Variants in NEGR1 observed in about 807,000 individuals in gnomAD.
NEGR1 encodes the protein neuronal growth regulator 1, also known as IgLON family member 4.
In NEGR1, 10 loss-of-function variants were observed where a neutral mutation model predicts 40.9. The observed-to-expected ratio is 0.24, with a 90% CI of 0.15 to 0.42. The LOEUF (loss-of-function observed/expected upper bound fraction) is 0.42. Ranked by LOEUF, NEGR1 falls within the 10% of genes least tolerant of loss-of-function variation. NEGR1 has a pLI of 1.00. For synonymous variants in NEGR1, 185 were observed against 166.8 expected, an observed-to-expected ratio of 1.11 and a Z score of -0.84; for missense variants, 352 against 438.9, an observed-to-expected ratio of 0.80 and a Z score of 1.77.
rs193219652 is a variant in NEGR1 at position 71,778,925 on chromosome 1, T to G, written c.410-2628A>C. Among the ~76,000 whole-genome samples the G allele has an allele frequency of 1.3e-4, 20 of 152,310 alleles. 1 individual carries two copies. In the East Asian group the frequency reaches 3.9e-3, roughly 29 times the overall value. The stretch of plus-strand genomic sequence containing the variant: ...ACAATTAAGTCCCTTAGAAATAAAC[T>G]TAGATTTGACATTTACCTATAGGAG... On this transcript the variant is annotated intron_variant, in intron 2 of 6. Coordinates refer to ENST00000357731, the MANE Select transcript of NEGR1 (RefSeq NM_173808.3).
chr1:71,926,220 C>T (rs903137954), intron 2 of NEGR1, among the ~76,000 whole-genome samples: 1 of 151,950 alleles, frequency 6.6e-6, no homozygotes, highest in Admixed American at 6.6e-5. Context: ...TGTGTGTTAT[C>T]AAAAACAGAA....
intron 6 of NEGR1, among the ~76,000 whole-genome samples, chr1:71,577,523 T>A (rs987073221): frequency 2.0e-5 from 3 of 152,192 alleles, no homozygotes; most frequent in African/African-American, 4.8e-5. Context: ...TTACAATCAA[T>A]ACACATAGTA....
intron 3 of NEGR1, among the ~76,000 whole-genome samples, chr1:71,700,126 T>C (rs1182126778): frequency 6.6e-6 from 1 of 152,006 alleles, no homozygotes; most frequent in Non-Finnish European, 1.5e-5. Flanking sequence ...TAGCCAATGA[T>C]TGATCATGTC....
At chr1:71,745,011 T>G (rs1655338726) in intron 3 of NEGR1, among the ~76,000 whole-genome samples, 2 of 152,172 alleles carry the variant, frequency 1.3e-5, no homozygotes, top group Admixed American at 1.3e-4. Context: ...GAACTTTCTG[T>G]TTTTTCCATT....
intron 1 of NEGR1, among the ~76,000 whole-genome samples, chr1:72,160,635 T>C (rs1282359657): frequency 6.6e-6 from 1 of 152,168 alleles, no homozygotes; most frequent in Non-Finnish European, 1.5e-5. Flanking sequence ...TCTATCATGA[T>C]TCTCGCTCCT....
chr1:71,624,179 T>C (rs1339127213), intron 4 of NEGR1, among the ~76,000 whole-genome samples: 1 of 151,974 alleles, frequency 6.6e-6, no homozygotes, highest in Non-Finnish European at 1.5e-5. Flanking sequence ...TTCATCAATG[T>C]CATTGAGAAA....
At position 71,662,960 on chromosome 1, in the gene NEGR1, T is replaced by C. The variant is rs146689125; in HGVS notation, c.667+35048A>G. 3.2e-4 allele frequency among the ~76,000 whole-genome samples: 48 copies of C among 151,872 alleles called. 1 individual carries two copies. In the East Asian group the frequency reaches 8.1e-3, roughly 26 times the overall value. ...CCAGTTTTGTTTTTTAGTGTTTTTT[T>C]TTTCTTTCTTTTTTGAGACGGGGTC... On this transcript the variant is annotated intron_variant, in intron 4 of 6. Coordinates refer to ENST00000357731, the MANE Select transcript of NEGR1 (RefSeq NM_173808.3).
chr1:72,049,778 T>C (rs1301854245), intron 1 of NEGR1, among the ~76,000 whole-genome samples: 1 of 151,626 alleles, frequency 6.6e-6, no homozygotes, highest in Admixed American at 6.6e-5. Context: ...TTTGGCATAC[T>C]GTAGGGCATT....
At chr1:71,876,498 C>T (rs1222588132) in intron 2 of NEGR1, among the ~76,000 whole-genome samples, 2 of 149,416 alleles carry the variant, frequency 1.3e-5, no homozygotes, top group Non-Finnish European at 1.5e-5. Context: ...AGAGTGAGAC[C>T]CTGTCTGAAA....
intron 2 of NEGR1, among the ~76,000 whole-genome samples, chr1:71,832,466 A>C (rs1658875367): frequency 6.6e-6 from 1 of 152,050 alleles, no homozygotes; most frequent in African/African-American, 2.4e-5. Context: ...GTCAAACCAA[A>C]TTAAAGGCCC....
At chr1:71,911,642 G>C (rs2101873622) in intron 2 of NEGR1, among the ~76,000 whole-genome samples, 1 of 152,268 alleles carries the variant, frequency 6.6e-6, no homozygotes, top group South Asian at 2.1e-4. Context: ...TGAGTAGTTA[G>C]CAGCAAAGCT....
chr1:72,139,531 A>C (rs1237599204), intron 1 of NEGR1, among the ~76,000 whole-genome samples: 2 of 152,098 alleles, frequency 1.3e-5, no homozygotes, highest in Non-Finnish European at 2.9e-5. Context: ...AAATTTAACA[A>C]GTTTGATGAA....
chr1:71,857,457 C>CAAAAAAAAAAAA (rs34177437), intron 2 of NEGR1, among the ~76,000 whole-genome samples: 9 of 77,614 alleles, frequency 1.2e-4, no homozygotes, highest in African/African-American at 3.8e-4. Flanking sequence ...ACAAAAAATA[C>CAAAAAAAAAAAA]AAAAAAAAAA....
chr1:71,461,779 T>C (rs2101344366), intron 6 of NEGR1: 1 of 152,310 alleles, frequency 6.6e-6, no homozygotes, highest in East Asian at 1.9e-4. Context: ...TATAAATGAA[T>C]GGAGAGAGCT....
At chr1:72,215,752 C>G (rs1225595142) in intron 1 of NEGR1, among the ~76,000 whole-genome samples, 1 of 152,032 alleles carries the variant, frequency 6.6e-6, no homozygotes, top group Non-Finnish European at 1.5e-5. Flanking sequence ...CACTTTTACA[C>G]TCTTGGTGGG....
At chr1:71,790,167 T>C (rs371090673) in intron 2 of NEGR1, among the ~76,000 whole-genome samples, 9 of 152,214 alleles carry the variant, frequency 5.9e-5, no homozygotes, top group African/African-American at 2.2e-4. Flanking sequence ...AGCAATAAAA[T>C]AGAGTTGTGT....
At chr1:71,639,663 C>T (rs1651282295) in intron 4 of NEGR1, among the ~76,000 whole-genome samples, 1 of 152,002 alleles carries the variant, frequency 6.6e-6, no homozygotes, top group Non-Finnish European at 1.5e-5. Context: ...TTAGAGTCAC[C>T]AGCCATTACT....
chr1:71,998,779 TG>T (rs1180872187), intron 1 of NEGR1, among the ~76,000 whole-genome samples: 1 of 151,286 alleles, frequency 6.6e-6, no homozygotes, highest in Admixed American at 6.6e-5. Context: ...AACTATATAT[TG>T]GATGTATTAT....
intron 1 of NEGR1, among the ~76,000 whole-genome samples, chr1:72,249,093 G>A (rs993590114): frequency 6.6e-6 from 1 of 152,116 alleles, no homozygotes; most frequent in African/African-American, 2.4e-5. Flanking sequence ...TTGAACCATT[G>A]GGAGGTAATT....
Sources: gnomAD v4.1 joint callset for allele counts (sites outside exome capture counted in the v4.1 genomes callset) on GRCh38, gnomAD v4.1.1 for gene constraint, MANE v1.5 for transcripts, NCBI Gene and HGNC (gene_info 2026-07-23, HGNC 2026-07-21) for gene names.